The following CDH23 variants were observed in gnomAD, a reference collection of about 807,000 sequenced individuals.
CDH23 encodes the protein cadherin-23.
A neutral mutation model predicts 317.1 loss-of-function variants in CDH23; 189 were observed. The ratio of observed to expected loss-of-function variants is 0.60; its 90% confidence interval spans 0.53 to 0.67. The LOEUF (loss-of-function observed/expected upper bound fraction) is 0.67, where lower values mean the gene tolerates loss of function less well. Among genes scored for constraint, CDH23 ranks in the 30% least tolerant of loss-of-function variants. The pLI, the probability that CDH23 is intolerant of heterozygous loss-of-function variation, is 0.00. For missense variants in CDH23, 4,401 were observed against 4,592.4 expected (o/e 0.96, Z 1.20); for synonymous variants, 1,839 against 1,876.8 (o/e 0.98, Z 0.52).
intron 9 of CDH23, among the ~76,000 whole-genome samples, chr10:71,588,631 T>C (rs1859249862): frequency 2.0e-5 from 3 of 152,176 alleles, no homozygotes; most frequent in African/African-American, 7.2e-5. Context: ...CAGATTTCAC[T>C]GACTCGTGGC....
chr10:71,765,639 T>C (rs1410719969), intron 38 of CDH23, among the ~76,000 whole-genome samples: 1 of 152,064 alleles, frequency 6.6e-6, no homozygotes. Context: ...TTCCTTGAGA[T>C]GCACGGCGGG....
intron 6 of CDH23, among the ~76,000 whole-genome samples, chr10:71,526,734 G>A (rs573008647): frequency 2.5e-4 from 38 of 152,326 alleles, no homozygotes; most frequent in African/African-American, 8.2e-4. Context: ...CATGGAGACT[G>A]CATGCGTCAC....
chr10:71,567,686 A>G lies in CDH23; in HGVS notation c.624+750A>G, dbSNP rs113216354. 9.5e-3 allele frequency among the ~76,000 whole-genome samples: 1,449 copies of G among 152,328 alleles called. 10 individuals carry two copies. Among genetic ancestry groups the G allele is most frequent in the Non-Finnish European group, 0.017 (1,153 of 68,010 alleles). On this transcript the variant is annotated intron_variant, in intron 7 of 69. Coordinates refer to ENST00000224721, the MANE Select transcript of CDH23 (RefSeq NM_022124.6). ...AACATCGCAGCATGCCCTTTGTGCCAGCTGTTTGGGAGATCCTGGGGAACA... is the reference window on the plus strand; with the variant it reads ...AACATCGCAGCATGCCCTTTGTGCCGGCTGTTTGGGAGATCCTGGGGAACA...
intron 11 of CDH23, among the ~76,000 whole-genome samples, chr10:71,632,904 T>A (rs1862082440): frequency 6.6e-6 from 1 of 152,148 alleles, no homozygotes; most frequent in South Asian, 2.1e-4. Context: ...AATTTATTTC[T>A]TACAGCTATG....
chr10:71,684,870 A>G (rs907212297), intron 18 of CDH23, among the ~76,000 whole-genome samples: 1 of 152,194 alleles, frequency 6.6e-6, no homozygotes, highest in Non-Finnish European at 1.5e-5. Context: ...GACAGGCCTA[A>G]GTAGCGAAAT....
In CDH23 at chr10:71,751,722, G is replaced by C. The variant is rs1840008443; in HGVS notation, c.4845+9801G>C. The C allele has an allele frequency of 6.3e-7, 1 of 1,581,102 alleles. No homozygotes were observed. On this transcript the variant is annotated intron_variant, in intron 38 of 69. Transcript: ENST00000224721. The surrounding 1 kb of genome is among the most constrained non-coding windows in gnomAD (Gnocchi z 4.9). ...CCTGGAGGAGACAGGGGGGTGCTGG[G>C]CTCCGAAAGCAGATGCCGCCCAGAC...
At chr10:71,592,628 C>A (rs894118327) in intron 9 of CDH23, among the ~76,000 whole-genome samples, 5 of 152,160 alleles carry the variant, frequency 3.3e-5, no homozygotes, top group Non-Finnish European at 7.3e-5. Context: ...CTAATGAGGA[C>A]CCTTGTGATT....
chr10:71,426,779 A>G (rs1324136445), intron 1 of CDH23, among the ~76,000 whole-genome samples: 3 of 152,208 alleles, frequency 2.0e-5, no homozygotes, highest in Non-Finnish European at 4.4e-5. Context: ...TGTACAATTC[A>G]ATGGTTATTA....
chr10:71,584,542 C>CTGTG (rs138103081), intron 9 of CDH23, among the ~76,000 whole-genome samples: 2,101 of 145,752 alleles, frequency 0.014, 37 homozygotes, highest in African/African-American at 0.034. Flanking sequence ...GAAGGGAAGT[C>CTGTG]TGTGTGTGTG....
intron 3 of CDH23, among the ~76,000 whole-genome samples, chr10:71,475,723 G>A (rs908320097): frequency 2.0e-5 from 3 of 152,240 alleles, no homozygotes; most frequent in African/African-American, 7.2e-5. Flanking sequence ...AAAAGGTAGG[G>A]AGGATCTGGC....
chr10:71,805,752 GGA>G, intron 55 of CDH23, 52 bp from the exon 56 acceptor site: 1 of 1,535,174 alleles, frequency 6.5e-7, no homozygotes, highest in Non-Finnish European at 8.8e-7. Flanking sequence ...TCAGGACCTA[GGA>G]GCTGAGATTC....
At chr10:71,796,093 C>T in intron 48 of CDH23, 5 of 986,582 alleles carry the variant, frequency 5.1e-6, no homozygotes, top group Non-Finnish European at 6.0e-6. Context: ...AGTGACTACC[C>T]CATGGCTGGG....
intron 14 of CDH23, among the ~76,000 whole-genome samples, chr10:71,649,952 G>A (rs1043572150): frequency 2.0e-5 from 3 of 152,170 alleles, no homozygotes; most frequent in Non-Finnish European, 2.9e-5. Flanking sequence ...TTCACACAGC[G>A]ACTCCATATC....
intron 9 of CDH23, among the ~76,000 whole-genome samples, chr10:71,612,895 C>T (rs1156626166): frequency 6.6e-6 from 1 of 152,266 alleles, no homozygotes; most frequent in Non-Finnish European, 1.5e-5. Flanking sequence ...GTCGCCCAGG[C>T]TGGAGTGCAG....
intron 6 of CDH23, among the ~76,000 whole-genome samples, chr10:71,520,430 CA>C (rs1854605191): frequency 6.6e-6 from 1 of 152,234 alleles, no homozygotes; most frequent in Non-Finnish European, 1.5e-5. Context: ...GCGAGCAACA[CA>C]CTGAGTAAGG....
In CDH23 at chr10:71,758,614, C is replaced by T. The variant is rs541370420; in HGVS notation, c.4845+16693C>T. Among the ~76,000 whole-genome samples, 4 of 152,338 alleles carry T rather than the reference C, an allele frequency of 2.6e-5. No homozygotes were observed. In the South Asian group the frequency reaches 6.2e-4, roughly 24 times the overall value. On this transcript the variant is annotated intron_variant, in intron 38 of 69. Coordinates refer to ENST00000224721, the MANE Select transcript of CDH23 (RefSeq NM_022124.6). ...TATGCAGAGCTAAGCAGGCCTGCAG[C>T]CAGATCCCAGCTATGCTACCCTGGG...
intron 28 of CDH23, chr10:71,716,005 A>G: frequency 1.3e-6 from 2 of 1,500,472 alleles, no homozygotes; most frequent in Non-Finnish European, 1.8e-6. Context: ...GGGGCTGTCG[A>G]GGGACGGTGG....
At position 71,439,819 on chromosome 10, in the gene CDH23, G is replaced by T; in HGVS notation, c.-5-8G>T. 1 of 1,556,864 alleles carries T rather than the reference G, an allele frequency of 6.4e-7. No individual in the cohort carries two copies. Among genetic ancestry groups the T allele is most frequent in the Non-Finnish European group, 8.7e-7 (1 of 1,149,236 alleles). ...TTCTCACCCTCTTCTCTTTCTTTGT[G>T]TCCCCAGGAGCCATGGGGCGCCATG... On this transcript the variant is annotated splice_polypyrimidine_tract_variant and splice_region_variant and intron_variant, in intron 1 of 69. Coordinates refer to ENST00000224721, the MANE Select transcript of CDH23 (RefSeq NM_022124.6).
At chr10:71,617,603 A>C in intron 11 of CDH23, 2 of 1,292,678 alleles carry the variant, frequency 1.5e-6, no homozygotes, top group Non-Finnish European at 2.1e-6. Context: ...ACATGTAAGC[A>C]CATGTTTCCA....
Sources: allele counts gnomAD v4.1 joint callset (sites outside exome capture counted in the v4.1 genomes callset), GRCh38; gene constraint gnomAD v4.1.1; non-coding constraint Gnocchi (gnomAD v3.1); transcripts MANE v1.5; gene names NCBI Gene and HGNC (gene_info 2026-07-23, HGNC 2026-07-21).